HCLS1: variants seen among roughly 807,000 people sequenced by gnomAD.
HCLS1 encodes the protein hematopoietic lineage cell-specific protein.
In HCLS1, 44 loss-of-function variants were observed where a neutral mutation model predicts 68.6. The ratio of observed to expected loss-of-function variants is 0.64; its 90% confidence interval spans 0.50 to 0.82. The LOEUF is 0.82. Among genes scored for constraint, HCLS1 ranks in the 40% least tolerant of loss-of-function variants. The pLI is 0.00. For synonymous variants in HCLS1, 217 were observed against 225.8 expected (o/e 0.96, Z 0.35); for missense variants, 602 against 612.1 (o/e 0.98, Z 0.17).
chr3:121,640,077 C>T (rs1345289456), intron 6 of HCLS1, among the ~76,000 whole-genome samples: 1 of 151,936 alleles, frequency 6.6e-6, no homozygotes, highest in African/African-American at 2.4e-5. Flanking sequence ...TGAAAATAGG[C>T]ATTTCATATC....
At chr3:121,655,867 G>T (rs200380365) in intron 3 of HCLS1, among the ~76,000 whole-genome samples, 1 of 114,090 alleles carries the variant, frequency 8.8e-6, no homozygotes, top group South Asian at 2.8e-4. Flanking sequence ...TTTATTTATT[G>T]AGACTGAGTC....
chr3:121,633,725 CG>C (rs2049121740), intron 10 of HCLS1, among the ~76,000 whole-genome samples: 1 of 151,880 alleles, frequency 6.6e-6, no homozygotes. Flanking sequence ...GTTTTTATAG[CG>C]ATAGGTTCTT....
intron 1 of HCLS1, among the ~76,000 whole-genome samples, chr3:121,658,963 ACAATG>A (rs1937932102): frequency 1.3e-5 from 2 of 152,240 alleles, no homozygotes; most frequent in South Asian, 4.1e-4. Context: ...TCCACATGGA[ACAATG>A]CATTGGGAGA....
rs368261834 is a variant in HCLS1, at chr3:121,644,884, A to G, written c.333T>C (p.Ser111=). ...AGCCTTTGGCAGCATCCGTCTGAGA[A>G]GAGTGCTTCTCCACCTCGGCAACAT... is the stretch of plus-strand genomic sequence containing the variant. ...HEYVAEVEKH[S]SQTDAAKGFG... is the part of the protein sequence containing the mutation. Residue 111 remains serine, a synonymous_variant, in exon 5 of 14, where the codon TCT becomes TCC. Coordinates refer to ENST00000314583, the MANE Select transcript of HCLS1 (RefSeq NM_005335.6). 83 of 1,614,180 alleles carry G rather than the reference A, an allele frequency of 5.1e-5. No homozygotes were observed. The South Asian group carries it at 6.3e-4, about 12-fold the overall frequency.
chr3:121,634,451 C>T, intron 9 of HCLS1, 33 bp from the exon 10 acceptor site: 1 of 1,606,972 alleles, frequency 6.2e-7, no homozygotes, highest in Non-Finnish European at 8.5e-7. Flanking sequence ...TTAGGGTTGT[C>T]TTGGATTGGA....
chr3:121,660,663 A>T (rs1179752603), intron 1 of HCLS1, among the ~76,000 whole-genome samples, 157 bp downstream of exon 1: 1 of 152,126 alleles, frequency 6.6e-6, no homozygotes, highest in East Asian at 1.9e-4. Flanking sequence ...CCAGATGCTG[A>T]TTTGCTACAA....
chr3:121,638,553 A>G (rs1381294184), intron 6 of HCLS1, among the ~76,000 whole-genome samples: 1 of 152,162 alleles, frequency 6.6e-6, no homozygotes, highest in Non-Finnish European at 1.5e-5. Context: ...CCTGTTCAAT[A>G]TTTGATAGGG....
At chr3:121,641,403 T>C (rs776664390) in intron 6 of HCLS1, among the ~76,000 whole-genome samples, 1 of 152,192 alleles carries the variant, frequency 6.6e-6, no homozygotes, top group Non-Finnish European at 1.5e-5. Flanking sequence ...CAATGGAATA[T>C]TTTAGCAAGA....
At chr3:121,638,406 G>C (rs955235389) in intron 6 of HCLS1, among the ~76,000 whole-genome samples, 3 of 152,164 alleles carry the variant, frequency 2.0e-5, no homozygotes, top group Non-Finnish European at 4.4e-5. Context: ...TAGGATCGAG[G>C]CTCTGTGATT....
chr3:121,646,455 TATATATG>T (rs1937607365), intron 4 of HCLS1, among the ~76,000 whole-genome samples: 2 of 102,852 alleles, frequency 1.9e-5, no homozygotes, highest in Non-Finnish European at 3.4e-5. Context: ...GATTATATAT[TATATATG>T]ATATATAATA....
intron 9 of HCLS1, among the ~76,000 whole-genome samples, chr3:121,634,763 T>C (rs527945459): frequency 7.2e-5 from 11 of 152,132 alleles, no homozygotes; most frequent in Admixed American, 2.0e-4. Context: ...TCTGGAGTAG[T>C]TGGGACCACA....
intron 6 of HCLS1, among the ~76,000 whole-genome samples, chr3:121,639,058 A>C (rs979969154): frequency 6.6e-6 from 1 of 150,436 alleles, no homozygotes; most frequent in East Asian, 1.9e-4. Context: ...CACACACACA[A>C]ATAATGCAAA....
chr3:121,658,704 G>A (rs1211239784), intron 1 of HCLS1, among the ~76,000 whole-genome samples: 1 of 152,252 alleles, frequency 6.6e-6, no homozygotes, highest in Non-Finnish European at 1.5e-5. Context: ...GGTTGGCAAT[G>A]AGCGGTGCTA....
At chr3:121,654,079 G>A (rs922634813) in intron 3 of HCLS1, 1 of 152,130 alleles carries the variant, frequency 6.6e-6, no homozygotes, top group African/African-American at 2.4e-5. Context: ...CTGGAGTTTT[G>A]ACCTGCTCCA....
At chr3:121,642,079 C>CAAAA (rs1167544123) in intron 6 of HCLS1, among the ~76,000 whole-genome samples, 7 of 64,566 alleles carry the variant, frequency 1.1e-4, no homozygotes, top group African/African-American at 3.2e-4. Context: ...GACTCCGTCG[C>CAAAA]AAAAAAAAAA....
intron 3 of HCLS1, chr3:121,653,902 C>G (rs970445040): frequency 2.0e-5 from 3 of 152,178 alleles, no homozygotes; most frequent in African/African-American, 7.2e-5. Context: ...TTCTGTTTCA[C>G]AGGGAAATAA....
chr3:121,641,691 T>G (rs553824145), intron 6 of HCLS1, among the ~76,000 whole-genome samples: 21 of 152,262 alleles, frequency 1.4e-4, no homozygotes, highest in African/African-American at 4.8e-4. Flanking sequence ...TAAATTTAAG[T>G]CAAAGATGCA....
Position 121,633,102 on chromosome 3 carries a change from C to T in HCLS1, c.973G>A (p.Val325Met). Reference sequence around the variant, plus strand: ...GTCTGCCTAATGGGCAGCAAGGGCACTGGGTGTTCCCTGCTGGTTCTCACA... The same window carrying T: ...GTCTGCCTAATGGGCAGCAAGGGCATTGGGTGTTCCCTGCTGGTTCTCACA... ...EPVRTSREHP[V>M]PLLPIRQTLP... The change falls in exon 11 of 14, where the codon GTG becomes ATG. Residue 325 changes from valine (V) to methionine (M), a missense_variant. Val to Met is a conservative substitution (Grantham distance 21, BLOSUM62 1). Transcript: ENST00000314583. The T allele has an allele frequency of 6.2e-7, 1 of 1,613,398 alleles. No homozygotes were observed. The highest frequency in any genetic ancestry group is 1.3e-5 in the African/African-American group (1 of 75,022).
intron 10 of HCLS1, among the ~76,000 whole-genome samples, chr3:121,633,726 G>A (rs983248248): frequency 1.3e-5 from 2 of 151,880 alleles, no homozygotes; most frequent in Admixed American, 6.6e-5. Flanking sequence ...TTTTTATAGC[G>A]ATAGGTTCTT....
Sources: allele counts gnomAD v4.1 joint callset (sites outside exome capture counted in the v4.1 genomes callset), GRCh38; gene constraint gnomAD v4.1.1; transcripts MANE v1.5; gene names NCBI Gene and HGNC (gene_info 2026-07-23, HGNC 2026-07-21).